The following KCNC4 variants were observed in gnomAD, a reference collection of about 807,000 sequenced individuals.
The protein encoded by KCNC4 is potassium voltage-gated channel subfamily C member 4, also known as voltage-gated potassium channel KCNC4.
KCNC4 carries 23 observed loss-of-function variants against 42.8 expected under a neutral mutation model. That is an observed-to-expected ratio of 0.54 (90% CI 0.39 to 0.76). KCNC4 has a LOEUF of 0.76. Among genes scored for constraint, KCNC4 ranks in the 30% least tolerant of loss-of-function variants. KCNC4 has a pLI of 0.00. For missense variants in KCNC4, 751 were observed against 898.2 expected (o/e 0.84, Z 2.10); for synonymous variants, 422 against 393.5 (o/e 1.07, Z -0.86).
At position 110,268,572 on chromosome 1, in the gene KCNC4, C is replaced by G. The variant is rs112701534; in HGVS notation, n.31-13962C>G. ...AGTGAGTCGAGATCGCGCCACTGCA[C>G]TCCAGCCTGGGAGACAGAGCAAGAG... On this transcript the variant is annotated intron_variant and non_coding_transcript_variant, in intron 1 of 2. Coordinates refer to the KCNC4 transcript ENST00000412512. Among the ~76,000 whole-genome samples, 1,284 of 136,444 alleles carry G rather than the reference C, an allele frequency of 9.4e-3. 16 individuals are homozygous for G. The highest frequency in any genetic ancestry group is 0.034 in the African/African-American group (1,237 of 36,208). The allele number at this position is 136,444 out of a possible 152,430, so 89.5% of individuals were successfully genotyped here. A position where few individuals can be genotyped will look rare whatever the true frequency, so the allele number is the denominator to read the frequency against.
exon 4 of KCNC4, chr1:110,246,732 A>G (rs1404385815): frequency 6.8e-6 from 1 of 146,872 alleles, no homozygotes; most frequent in Non-Finnish European, 1.5e-5. Flanking sequence ...GAATCTGCTC[A>G]TCCTTTGTGA....
At chr1:110,249,251 T>C (rs1254593097), downstream of KCNC4, 1 of 152,176 alleles carries the variant, frequency 6.6e-6, no homozygotes, top group East Asian at 1.9e-4. Flanking sequence ...TTCTGGGGGC[T>C]CTGGAAAAAA....
chr1:110,273,192 G>T (rs938670195), intron 1 of KCNC4, among the ~76,000 whole-genome samples: 1 of 152,192 alleles, frequency 6.6e-6, no homozygotes, highest in Non-Finnish European at 1.5e-5. Flanking sequence ...GACCTGGTGT[G>T]GTCCCTAGAG....
At chr1:110,230,193 C>T (rs1174062050) in intron 3 of KCNC4, among the ~76,000 whole-genome samples, 1 of 152,218 alleles carries the variant, frequency 6.6e-6, no homozygotes, top group Non-Finnish European at 1.5e-5. Context: ...CCCCACCCTG[C>T]AGTGGTTTGT....
rs1448219741 is a variant in KCNC4, at chr1:110,223,913, G to A, written c.1615+13G>A. 6.4e-7 allele frequency: 1 copy of A among 1,565,914 alleles called. No individual in the cohort carries two copies. Among genetic ancestry groups the A allele is most frequent in the South Asian group, 1.2e-5 (1 of 84,110 alleles). ...AGGAAACGGGCAGGTGAGATTAGGG[G>A]TTGGGAAGGAAAATCCCTTTTCCCC... On this transcript the variant is annotated intron_variant, in intron 2 of 3. Coordinates refer to ENST00000438661, the MANE Select transcript of KCNC4 (RefSeq NM_001039574.3). This position sits in a 1 kb window ranked among gnomAD's most constrained non-coding sequence, Gnocchi z 7.5.
At position 110,211,528 on chromosome 1, in the gene KCNC4, A is replaced by G. The variant is rs1557849548; in HGVS notation, c.29A>G (p.Tyr10Cys). 6.2e-7 allele frequency: 1 copy of G among 1,613,796 alleles called. No homozygotes were observed. MISSVCVSSYRGRKSGNKPP... is the reference protein window; with the variant it reads MISSVCVSSCRGRKSGNKPP... The stretch of plus-strand genomic sequence containing the variant: ...ATCAGCTCGGTGTGTGTCTCCTCCT[A>G]CCGCGGGCGCAAGTCGGGGAACAAG... The change falls in exon 1 of 4, where the codon TAC becomes TGC. Residue 10 changes from tyrosine to cysteine, a missense_variant. Transcript: ENST00000438661. This position sits in a 1 kb window ranked among gnomAD's most constrained non-coding sequence, Gnocchi z 6.5.
At chr1:110,282,061 G>A (rs1449834530) in intron 1 of KCNC4, among the ~76,000 whole-genome samples, 1 of 152,226 alleles carries the variant, frequency 6.6e-6, no homozygotes, top group African/African-American at 2.4e-5. Flanking sequence ...CCAGGAGACA[G>A]GGCAGAGGAG....
intron 1 of KCNC4, among the ~76,000 whole-genome samples, chr1:110,213,399 T>A (rs1657612437): frequency 6.6e-6 from 1 of 151,956 alleles, no homozygotes; most frequent in South Asian, 2.1e-4. Flanking sequence ...TGTTAATGAG[T>A]CTCAGAGCAC....
chr1:110,211,755 A>AGCAGCGGCG lies in KCNC4; in HGVS notation c.259_267dup (p.Ser87_Gly89dup). ...TGGCGGCGGTGTGGGTAGCAGCGGC[A>AGCAGCGGCG]GCAGCGGCGGCGGGGGCTGCGAGTT... On this transcript the variant is annotated inframe_insertion, in exon 1 of 4. Transcript: ENST00000438661. The surrounding 1 kb of genome is among the most constrained non-coding windows in gnomAD (Gnocchi z 6.5). 1.9e-6 allele frequency: 3 copies of AGCAGCGGCG among 1,609,518 alleles called. No homozygotes were observed. Among genetic ancestry groups the AGCAGCGGCG allele is most frequent in the Non-Finnish European group, 2.5e-6 (3 of 1,178,912 alleles).
At chr1:110,261,977 A>AAAAC (rs1458171482) in intron 1 of KCNC4, among the ~76,000 whole-genome samples, 6 of 152,356 alleles carry the variant, frequency 3.9e-5, no homozygotes, top group African/African-American at 1.4e-4. Context: ...AAAACATTTG[A>AAAAC]AAACAGATGT....
chr1:110,216,434 G>T (rs1428869997), intron 1 of KCNC4, among the ~76,000 whole-genome samples: 3 of 152,214 alleles, frequency 2.0e-5, no homozygotes, highest in Admixed American at 1.3e-4. Flanking sequence ...GGCCCTGCCC[G>T]CAGGGCATCC....
chr1:110,276,022 A>G (rs895186016), intron 1 of KCNC4, among the ~76,000 whole-genome samples: 4 of 151,738 alleles, frequency 2.6e-5, no homozygotes, highest in Non-Finnish European at 4.4e-5. Flanking sequence ...ACTAGAGACC[A>G]TTATCTTAAG....
At chr1:110,232,853 C>A in intron 3 of KCNC4, 58 bp from the exon 4 acceptor site, 3 of 1,564,670 alleles carry the variant, frequency 1.9e-6, no homozygotes, top group Admixed American at 1.9e-5. Context: ...CCCCAGAAGG[C>A]AATGTTGAGC....
intron 2 of KCNC4, 166 bp downstream of exon 2, chr1:110,224,066 C>G: frequency 1.6e-6 from 1 of 622,692 alleles, no homozygotes; most frequent in South Asian, 2.1e-5. Context: ...TTTCTCTGTC[C>G]TCTGGCTGGG....
exon 4 of KCNC4, chr1:110,247,774 A>C (rs764421735): frequency 6.6e-6 from 1 of 151,692 alleles, no homozygotes; most frequent in Non-Finnish European, 1.5e-5. Flanking sequence ...GGCTGGTCTC[A>C]AACTCTGACC....
intron 1 of KCNC4, among the ~76,000 whole-genome samples, chr1:110,263,185 G>A (rs55651813): frequency 0.32 from 49,164 of 152,062 alleles, 8,171 homozygotes; most frequent in African/African-American, 0.36. Context: ...TTTGGGGACA[G>A]CCAGCTATCC....
chr1:110,277,436 T>C (rs1364668776), intron 1 of KCNC4, among the ~76,000 whole-genome samples: 3 of 152,244 alleles, frequency 2.0e-5, no homozygotes, highest in Admixed American at 6.5e-5. Flanking sequence ...ACATTTCTTA[T>C]TCCATCACCT....
intron 1 of KCNC4, among the ~76,000 whole-genome samples, chr1:110,259,425 C>T (rs558336605): frequency 5.3e-5 from 8 of 152,174 alleles, no homozygotes; most frequent in Non-Finnish European, 5.9e-5. Flanking sequence ...TCTTTCCTCC[C>T]CTTCATCTTA....
At chr1:110,221,621 C>T (rs1198290737) in intron 1 of KCNC4, 1 of 152,222 alleles carries the variant, frequency 6.6e-6, no homozygotes, top group Non-Finnish European at 1.5e-5. Flanking sequence ...GGAGGAAAAC[C>T]TCTCTGAGTC....
Sources: gnomAD v4.1 joint callset for allele counts (sites outside exome capture counted in the v4.1 genomes callset) on GRCh38, gnomAD v4.1.1 for gene constraint, Gnocchi (gnomAD v3.1) non-coding constraint, MANE v1.5 for transcripts, NCBI Gene and HGNC (gene_info 2026-07-23, HGNC 2026-07-21) for gene names.